Variants in ROGDI observed in about 807,000 individuals in gnomAD.
ROGDI encodes the protein protein rogdi homolog.
ROGDI carries 46 observed loss-of-function variants against 43.1 expected under a neutral mutation model. That is an observed-to-expected ratio of 1.07 (90% CI 0.84 to 1.37). ROGDI has a LOEUF of 1.37. Among genes scored for constraint, ROGDI ranks in the 40% most tolerant of loss-of-function variants. The pLI, the probability that ROGDI is intolerant of heterozygous loss-of-function variation, is 0.00. For missense variants in ROGDI, 518 were observed against 383.9 expected (o/e 1.35, Z -2.92); for synonymous variants, 243 against 162.0 (o/e 1.50, Z -3.80).
chr16:4,798,027 C>T (rs368051138), intron 8 of ROGDI, 40 bp from the exon 9 acceptor site: 24 of 1,613,222 alleles, frequency 1.5e-5, no homozygotes, highest in Middle Eastern at 1.6e-4. Context: ...CCTTGCAGGG[C>T]GTGTGCATGG....
intron 7 of ROGDI, 120 bp downstream of exon 7, chr16:4,798,449 C>T: frequency 1.2e-6 from 1 of 859,246 alleles, no homozygotes; most frequent in Non-Finnish European, 1.8e-6. Context: ...CAGAAACCTG[C>T]CTAGACAGAA....
rs2082683229 is a variant in ROGDI at position 4,798,647 on chromosome 16, C to G, written c.453G>C (p.Leu151=). The part of the protein sequence containing the change: ...EVLKLMDAVM[L]QLTRARNRLT... The stretch of plus-strand genomic sequence containing the variant: ...GCCGGTTTCGGGCTCTGGTCAGCTG[C>G]AGCATCACTGCGTCCATCAGCTGCA... The change falls in exon 7 of 11, where the codon CTG becomes CTC. Residue 151 remains leucine (L), a synonymous_variant. Coordinates refer to ENST00000322048, the MANE Select transcript of ROGDI (RefSeq NM_024589.3). 6.4e-7 allele frequency: 1 copy of G among 1,571,524 alleles called. No individual in the cohort carries two copies. The highest frequency in any genetic ancestry group is 8.6e-7 in the Non-Finnish European group (1 of 1,162,006).
intron 2 of ROGDI, 53 bp downstream of exon 2, chr16:4,802,329 G>A (rs769370722): frequency 6.8e-7 from 1 of 1,466,168 alleles, no homozygotes; most frequent in East Asian, 2.5e-5. Flanking sequence ...TGGAGCCAGG[G>A]AAATGAGGAG....
At chr16:4,797,623 T>G in intron 10 of ROGDI, 91 bp downstream of exon 10, 1 of 1,603,482 alleles carries the variant, frequency 6.2e-7, no homozygotes. Flanking sequence ...TGCTGTGGGG[T>G]ACACCAGACC....
At chr16:4,798,983 A>C (rs1298147818) in intron 6 of ROGDI, among the ~76,000 whole-genome samples, 2 of 152,128 alleles carry the variant, frequency 1.3e-5, no homozygotes, top group Non-Finnish European at 2.9e-5. Flanking sequence ...GGGTACAGGC[A>C]ACAAAGGTTG....
chr16:4,801,917 CG>C, intron 2 of ROGDI: 2 of 559,534 alleles, frequency 3.6e-6, no homozygotes, highest in East Asian at 6.7e-5. Context: ...TGGTAACCCG[CG>C]GTCCTGGGCC....
chr16:4,801,131 T>G lies in ROGDI; in HGVS notation c.255+136A>C, dbSNP rs771742965. 7.4e-6 allele frequency: 5 copies of G among 671,292 alleles called. No individual in the cohort carries two copies. The African/African-American group carries it at 9.1e-5, about 12-fold the overall frequency. 41.6% of individuals were successfully genotyped at this position (671,292 alleles called of 1,614,324 possible). On this transcript the variant is annotated intron_variant, in intron 4 of 10. Coordinates refer to ENST00000322048, the MANE Select transcript of ROGDI (RefSeq NM_024589.3). ...GAGAAGGTGTGAGGGTTGCTGTCATTTTCCAAAGGAGAAAACTGAGGCCAG... is the reference window on the plus strand; with the variant it reads ...GAGAAGGTGTGAGGGTTGCTGTCATGTTCCAAAGGAGAAAACTGAGGCCAG...
rs1481153928 is a variant in ROGDI, at chr16:4,802,189, G to A, written c.117+193C>T. The A allele has an allele frequency of 1.1e-5, 7 of 658,808 alleles. No homozygotes were observed. The East Asian group carries it at 1.2e-4, about 11-fold the overall frequency. The allele number at this position is 658,808 out of a possible 1,614,324, so 40.8% of individuals were successfully genotyped here. ...AGGCCCTTGCTAGCACCCTCGTCGGGACCCGCCCCTGCCCGCACACAGGTA... is the reference window on the plus strand; with the variant it reads ...AGGCCCTTGCTAGCACCCTCGTCGGAACCCGCCCCTGCCCGCACACAGGTA... On this transcript the variant is annotated intron_variant, in intron 2 of 10. Coordinates refer to ENST00000322048, the MANE Select transcript of ROGDI (RefSeq NM_024589.3).
chr16:4,798,052 G>C lies in ROGDI; in HGVS notation c.645+19C>G. 1.2e-6 allele frequency: 2 copies of C among 1,613,524 alleles called. No individual in the cohort carries two copies. Among genetic ancestry groups the C allele is most frequent in the Non-Finnish European group, 1.7e-6 (2 of 1,179,672 alleles). ...CGTGTGCATGGCGGGCAGTGGGCCG[G>C]GCAGGGGTCCCTCCTCACCTTGGTG... is the stretch of plus-strand genomic sequence containing the variant. On this transcript the variant is annotated intron_variant, in intron 8 of 10. Coordinates refer to ENST00000322048, the MANE Select transcript of ROGDI (RefSeq NM_024589.3).
intron 6 of ROGDI, among the ~76,000 whole-genome samples, chr16:4,799,258 G>C (rs2082690002): frequency 1.3e-5 from 2 of 152,222 alleles, no homozygotes; most frequent in Non-Finnish European, 2.9e-5. Context: ...TAGCACCCTA[G>C]GGTGGTTACA....
In ROGDI at chr16:4,797,990, AG is replaced by A. The variant is rs1236691646; in HGVS notation, c.646-4del. The A allele has an allele frequency of 6.2e-7, 1 of 1,611,742 alleles. No individual in the cohort carries two copies. The highest frequency in any genetic ancestry group is 8.5e-7 in the Non-Finnish European group (1 of 1,178,548). On this transcript the variant is annotated splice_polypyrimidine_tract_variant and splice_region_variant and intron_variant, in intron 8 of 10. Coordinates refer to ENST00000322048, the MANE Select transcript of ROGDI (RefSeq NM_024589.3). Reference sequence around the variant, plus strand: ...GCGCCCCCAGCTGGGCGGAAGTTCTAGGGAGAACAGCACCAGACCCGTCAGG... The same window carrying A: ...GCGCCCCCAGCTGGGCGGAAGTTCTAGGAGAACAGCACCAGACCCGTCAGG...
At chr16:4,799,323 A>C (rs751448242) in intron 6 of ROGDI, among the ~76,000 whole-genome samples, 7 of 152,096 alleles carry the variant, frequency 4.6e-5, no homozygotes, top group Non-Finnish European at 1.0e-4. Context: ...ACAGAGGTCC[A>C]GAGAGGGCAG....
intron 7 of ROGDI, 53 bp downstream of exon 7, chr16:4,798,516 G>T: frequency 7.2e-7 from 1 of 1,389,794 alleles, no homozygotes; most frequent in Non-Finnish European, 9.7e-7. Flanking sequence ...AGGGCAAGCT[G>T]GGACCCACTG....
chr16:4,800,507 C>T lies in ROGDI; in HGVS notation c.327G>A (p.Lys109=), dbSNP rs888611327. 2 of 1,556,094 alleles carry T rather than the reference C, an allele frequency of 1.3e-6. No homozygotes were observed. The highest frequency in any genetic ancestry group is 2.7e-5 in the African/African-American group (2 of 73,384). The part of the protein sequence containing the change: ...HFAFREDKQW[K]LQQIQDARNH... ...GGAGGGGCGGGGTCACCTGCTGCAGCTTCCACTGCTTGTCCTCCCGGAAGG... is the reference window on the plus strand; with the variant it reads ...GGAGGGGCGGGGTCACCTGCTGCAGTTTCCACTGCTTGTCCTCCCGGAAGG... The change falls in exon 5 of 11, where the codon AAG becomes AAA. Residue 109 remains lysine (K), a synonymous_variant. Transcript: ENST00000322048.
At position 4,802,540 on chromosome 16, in the gene ROGDI, TCCG is replaced by T; in HGVS notation, c.29_31del (p.Ala10del). The T allele has an allele frequency of 7.8e-7, 1 of 1,275,064 alleles. No homozygotes were observed. The highest frequency in any genetic ancestry group is 1.0e-6 in the Non-Finnish European group (1 of 1,004,778). The allele number at this position is 1,275,064 out of a possible 1,614,324, so 79.0% of individuals were successfully genotyped here. A position where few individuals can be genotyped will look rare whatever the true frequency, so the allele number is the denominator to read the frequency against. Reference sequence around the variant, plus strand: ...CGCGCGCCTTACCAGCACCGCCCGCTCCGCCGCCGTCGCTGCCATCACGGTGGC... The same window carrying T: ...CGCGCGCCTTACCAGCACCGCCCGCTCCGCCGTCGCTGCCATCACGGTGGC... On this transcript the variant is annotated inframe_deletion, in exon 1 of 11. Transcript: ENST00000322048.
At chr16:4,801,701 G>T in intron 2 of ROGDI, 116 bp from the exon 3 acceptor site, 1 of 987,522 alleles carries the variant, frequency 1.0e-6, no homozygotes, top group Non-Finnish European at 1.5e-6. Context: ...ACGTGGCCTG[G>T]CCTCACCTGG....
chr16:4,797,077 C>T lies in ROGDI; in HGVS notation c.*383G>A, dbSNP rs935865854. ...TGGCTCTGTCTGTGGCGTTCCTCAC[C>T]ATCCCCGGGACTCATAGCTCAGTGC... is the stretch of plus-strand genomic sequence containing the variant. On this transcript the variant is annotated 3_prime_UTR_variant, in exon 11 of 11. Transcript: ENST00000322048. 2 of 235,788 alleles carry T rather than the reference C, an allele frequency of 8.5e-6. No individual in the cohort carries two copies. Among genetic ancestry groups the T allele is most frequent in the African/African-American group, 2.2e-5 (1 of 44,646 alleles). 14.6% of individuals were successfully genotyped at this position (235,788 alleles called of 1,614,324 possible).
At chr16:4,802,080 G>A (rs1199285425) in intron 2 of ROGDI, 1 of 624,642 alleles carries the variant, frequency 1.6e-6, no homozygotes, top group Non-Finnish European at 3.0e-6. Flanking sequence ...CACACTGCCA[G>A]GCAGAGGCAG....
Position 4,797,401 on chromosome 16 carries a change from G to C in ROGDI, c.*59C>G. On this transcript the variant is annotated 3_prime_UTR_variant, in exon 11 of 11. Coordinates refer to ENST00000322048, the MANE Select transcript of ROGDI (RefSeq NM_024589.3). ...GCGTTGGCACTGGCTGGTGCTCTGT[G>C]GTGGGTATGAGTAGGGGACGGGGCC... The C allele has an allele frequency of 6.6e-7, 1 of 1,521,706 alleles. No homozygotes were observed. The highest frequency in any genetic ancestry group is 1.8e-4 in the Middle Eastern group (1 of 5,568). 94.3% of individuals were successfully genotyped at this position (1,521,706 alleles called of 1,614,324 possible). A position where few individuals can be genotyped will look rare whatever the true frequency, so the allele number is the denominator to read the frequency against.
Sources: gnomAD v4.1 joint callset for allele counts (sites outside exome capture counted in the v4.1 genomes callset) on GRCh38, gnomAD v4.1.1 for gene constraint, MANE v1.5 for transcripts, NCBI Gene and HGNC (gene_info 2026-07-23, HGNC 2026-07-21) for gene names.